UGT1A5: variants seen among roughly 807,000 people sequenced by gnomAD.
The protein encoded by UGT1A5 is UDP-glucuronosyltransferase 1A5.
In UGT1A5, 29 loss-of-function variants were observed where a neutral mutation model predicts 40.3. The observed-to-expected ratio is 0.72, with a 90% CI of 0.54 to 0.98. The LOEUF (loss-of-function observed/expected upper bound fraction) is 0.98. Among genes scored for constraint, UGT1A5 ranks in the 50% least tolerant of loss-of-function variants. The pLI is 0.00. For missense variants in UGT1A5, 678 were observed against 677.9 expected, an observed-to-expected ratio of 1.00 and a Z score of 0.00; for synonymous variants, 257 against 262.5, an observed-to-expected ratio of 0.98 and a Z score of 0.20.
chr2:233,743,882 C>T (rs779162939), intron 1 of UGT1A5: 31 of 1,366,974 alleles, frequency 2.3e-5, no homozygotes, highest in African/African-American at 3.0e-5. Context: ...TGAGGCCTGC[C>T]GGGGCACGTC....
intron 1 of UGT1A5, chr2:233,729,739 A>G (rs1185017331): frequency 1.9e-6 from 3 of 1,613,856 alleles, no homozygotes; most frequent in East Asian, 4.5e-5. Context: ...TTCAGACCAC[A>G]TGACATTCAT....
chr2:233,727,367 AG>A (rs1325581943), intron 1 of UGT1A5, among the ~76,000 whole-genome samples: 7 of 152,052 alleles, frequency 4.6e-5, no homozygotes, highest in Non-Finnish European at 1.0e-4. Flanking sequence ...TAGGGCCCCT[AG>A]GTCTCTGGAG....
intron 1 of UGT1A5, among the ~76,000 whole-genome samples, chr2:233,727,663 T>C (rs1439134101): frequency 6.6e-6 from 1 of 152,170 alleles, no homozygotes; most frequent in Non-Finnish European, 1.5e-5. Context: ...GTGCTCTATG[T>C]CCTTACAAAT....
At chr2:233,730,096 A>G in intron 1 of UGT1A5, 1 of 1,590,372 alleles carries the variant, frequency 6.3e-7, no homozygotes, top group Non-Finnish European at 8.6e-7. Flanking sequence ...CTTTCCAAAT[A>G]TTTCATTTCT....
At chr2:233,719,353 G>A in intron 1 of UGT1A5, 3 of 1,613,930 alleles carry the variant, frequency 1.9e-6, no homozygotes, top group Non-Finnish European at 2.5e-6. Flanking sequence ...TACATTCCAT[G>A]TGACTTAGAC....
At chr2:233,742,803 G>T (rs1329943458) in intron 1 of UGT1A5, 1 of 153,428 alleles carries the variant, frequency 6.5e-6, no homozygotes, top group African/African-American at 2.4e-5. Context: ...TAAGCCAGAA[G>T]TATTGATATT....
In UGT1A5 at chr2:233,769,855, CT is replaced by C; in HGVS notation, c.1307+1417del. 1 of 372,068 alleles carries C rather than the reference CT, an allele frequency of 2.7e-6. No individual in the cohort carries two copies. Among genetic ancestry groups the C allele is most frequent in the Non-Finnish European group, 4.4e-6 (1 of 226,688 alleles). The allele number at this position is 372,068 out of a possible 1,614,324, so 23.0% of individuals were successfully genotyped here. A position where few individuals can be genotyped will look rare whatever the true frequency, so the allele number is the denominator to read the frequency against. On this transcript the variant is annotated intron_variant, in intron 4 of 4. Coordinates refer to ENST00000373414, the MANE Select transcript of UGT1A5 (RefSeq NM_019078.2). This position sits in a 1 kb window ranked among gnomAD's most constrained non-coding sequence, Gnocchi z 4.4. ...CCTGGGCAACAGAGTGAGACCCTGT[CT>C]CAAAAAAAAAAAAAAAAATGAAAAG... is the stretch of plus-strand genomic sequence containing the variant.
chr2:233,748,074 T>C lies in UGT1A5; in HGVS notation c.868-18960T>C, dbSNP rs1392402990. 2.5e-6 allele frequency: 4 copies of C among 1,613,184 alleles called. No individual in the cohort carries two copies. The East Asian group carries it at 8.9e-5, about 36-fold the overall frequency. On this transcript the variant is annotated intron_variant, in intron 1 of 4. Transcript: ENST00000373414. ...CAACTGTGCCAACAGGAAGCCACTA[T>C]CTCAGGTCGGTGTTCGTGCCTTCAT...
chr2:233,772,614 C>T lies in UGT1A5; in HGVS notation c.*55C>T, dbSNP rs1700539224. ...GAACCATTCCCTAGTCATTTCCAAA[C>T]TTGAAAACAGAATCAGTGTTAAATT... On this transcript the variant is annotated 3_prime_UTR_variant, in exon 5 of 5. Transcript: ENST00000373414. The T allele has an allele frequency of 1.3e-6, 2 of 1,575,828 alleles. No homozygotes were observed. The highest frequency in any genetic ancestry group is 1.7e-6 in the Non-Finnish European group (2 of 1,159,834).
chr2:233,754,732 C>T (rs561827604), intron 1 of UGT1A5: 4 of 641,140 alleles, frequency 6.2e-6, no homozygotes, highest in African/African-American at 5.6e-5. Flanking sequence ...CCATCACTAC[C>T]GTAGGACATG....
chr2:233,764,410 G>T (rs1287852484), intron 1 of UGT1A5, among the ~76,000 whole-genome samples: 1 of 152,152 alleles, frequency 6.6e-6, no homozygotes, highest in Non-Finnish European at 1.5e-5. Context: ...TCTGCAGTTT[G>T]CCCTGCGTGA....
chr2:233,759,176 C>T (rs982253420), intron 1 of UGT1A5, among the ~76,000 whole-genome samples: 3 of 152,132 alleles, frequency 2.0e-5, no homozygotes, highest in African/African-American at 4.8e-5. Flanking sequence ...GCAGGTTTCA[C>T]GGCAAAAAGT....
chr2:233,769,841 G>A lies in UGT1A5; in HGVS notation c.1307+1402G>A. On this transcript the variant is annotated intron_variant, in intron 4 of 4. Transcript: ENST00000373414. The surrounding 1 kb of genome is among the most constrained non-coding windows in gnomAD (Gnocchi z 4.4). ...CTGCACTCCAGCAACCTGGGCAACAGAGTGAGACCCTGTCTCAAAAAAAAA... is the reference window on the plus strand; with the variant it reads ...CTGCACTCCAGCAACCTGGGCAACAAAGTGAGACCCTGTCTCAAAAAAAAA... 1.8e-6 allele frequency: 1 copy of A among 550,094 alleles called. No individual in the cohort carries two copies. Among genetic ancestry groups the A allele is most frequent in the Non-Finnish European group, 2.8e-6 (1 of 353,910 alleles). The allele number at this position is 550,094 out of a possible 1,614,324, so 34.1% of individuals were successfully genotyped here.
rs1700515616 is a variant in UGT1A5, at chr2:233,772,390, C to A, written c.1436C>A (p.Ala479Asp). 4 of 1,614,144 alleles carry A rather than the reference C, an allele frequency of 2.5e-6. No individual in the cohort carries two copies. The highest frequency in any genetic ancestry group is 3.4e-6 in the Non-Finnish European group (4 of 1,180,058). Residue 479 changes from alanine (A) to aspartate (D), a missense_variant, in exon 5 of 5, where the codon GCC (alanine) becomes GAC (aspartate). Transcript: ENST00000373414. ...GGCGCGCCACACCTGCGCCCCGCAGCCCACGACCTCACCTGGTACCAGTAC... is the reference window on the plus strand; with the variant it reads ...GGCGCGCCACACCTGCGCCCCGCAGACCACGACCTCACCTGGTACCAGTAC... ...HKGAPHLRPA[A>D]HDLTWYQYHS...
At chr2:233,742,442 C>T (rs112027081) in intron 1 of UGT1A5, among the ~76,000 whole-genome samples, 3,340 of 152,032 alleles carry the variant, frequency 0.022, 220 homozygotes, top group African/African-American at 0.075. Flanking sequence ...CCTGGGTGGG[C>T]CAGGTGTTCC....
chr2:233,743,665 C>T lies in UGT1A5; in HGVS notation c.868-23369C>T, dbSNP rs1373066127. Reference sequence around the variant, plus strand: ...AGCTGAAGACGTACTCGAAGGGGTCCTCGAAGGGCCTGCCGCCTGTGCAGC... The same window carrying T: ...AGCTGAAGACGTACTCGAAGGGGTCTTCGAAGGGCCTGCCGCCTGTGCAGC... On this transcript the variant is annotated intron_variant, in intron 1 of 4. Coordinates refer to ENST00000373414, the MANE Select transcript of UGT1A5 (RefSeq NM_019078.2). 9 of 1,367,242 alleles carry T rather than the reference C, an allele frequency of 6.6e-6. 2 individuals are homozygous for T. The African/African-American group carries it at 1.3e-4, about 20-fold the overall frequency. The allele number at this position is 1,367,242 out of a possible 1,614,324, so 84.7% of individuals were successfully genotyped here. A position where few individuals can be genotyped will look rare whatever the true frequency, so the allele number is the denominator to read the frequency against.
chr2:233,748,015 C>T lies in UGT1A5; in HGVS notation c.868-19019C>T, dbSNP rs746722710. ...GACTTTGTGATGGATTACCCCAGGC[C>T]GATCATGCCCAACATGGTCTTCATT... is the stretch of plus-strand genomic sequence containing the variant. On this transcript the variant is annotated intron_variant, in intron 1 of 4. Coordinates refer to ENST00000373414, the MANE Select transcript of UGT1A5 (RefSeq NM_019078.2). The T allele has an allele frequency of 4.5e-4, 728 of 1,613,308 alleles. 4 individuals carry two copies. Among genetic ancestry groups the T allele is most frequent in the Middle Eastern group, 6.6e-4 (4 of 6,082 alleles).
chr2:233,733,661 T>C (rs1200789776), intron 1 of UGT1A5, among the ~76,000 whole-genome samples: 1 of 152,240 alleles, frequency 6.6e-6, no homozygotes, highest in African/African-American at 2.4e-5. Context: ...GAAGCCGACT[T>C]GATCGATGTG....
chr2:233,766,145 C>T (rs1400021152), intron 1 of UGT1A5, among the ~76,000 whole-genome samples: 1 of 152,164 alleles, frequency 6.6e-6, no homozygotes, highest in South Asian at 2.1e-4. Flanking sequence ...CGAATCCCAC[C>T]TGGGCTTGGA....
Sources: gnomAD v4.1 joint callset for allele counts (sites outside exome capture counted in the v4.1 genomes callset) on GRCh38, gnomAD v4.1.1 for gene constraint, Gnocchi (gnomAD v3.1) non-coding constraint, MANE v1.5 for transcripts, NCBI Gene and HGNC (gene_info 2026-07-23, HGNC 2026-07-21) for gene names.